Variants in TMEM168 observed in about 807,000 individuals in gnomAD.
The protein encoded by TMEM168 is transmembrane protein 168.
In TMEM168, 40 loss-of-function variants were observed where a neutral mutation model predicts 53.2. The observed-to-expected ratio is 0.75, with a 90% confidence interval of 0.58 to 0.98. TMEM168 has a LOEUF of 0.98. Ranked by LOEUF, TMEM168 falls within the 50% of genes least tolerant of loss-of-function variation. The probability of loss-of-function intolerance (pLI) is 0.00; values close to 1 mark genes in which losing one functional copy is unlikely to be tolerated. For missense variants in TMEM168, 771 were observed against 828.8 expected (o/e 0.93, Z 0.86); for synonymous variants, 282 against 293.0 (o/e 0.96, Z 0.38).
At chr7:112,776,934 GAATA>G (rs777887839) in intron 2 of TMEM168, among the ~76,000 whole-genome samples, 4 of 152,008 alleles carry the variant, frequency 2.6e-5, no homozygotes, top group African/African-American at 7.2e-5. Context: ...ACCAAAACTA[GAATA>G]AATATCAAGT....
intron 4 of TMEM168, among the ~76,000 whole-genome samples, chr7:112,768,859 C>T (rs1301380594): frequency 6.6e-6 from 1 of 151,840 alleles, no homozygotes; most frequent in Admixed American, 6.6e-5. Flanking sequence ...TGAACTATGG[C>T]CTAAAACCTT....
intron 1 of TMEM168, among the ~76,000 whole-genome samples, chr7:112,787,981 C>T (rs1455749906): frequency 2.0e-5 from 3 of 151,978 alleles, no homozygotes; most frequent in Non-Finnish European, 4.4e-5. Context: ...ATCCGTCCGC[C>T]TTGGCCTCCC....
intron 3 of TMEM168, among the ~76,000 whole-genome samples, chr7:112,773,298 G>A (rs1227168): frequency 0.41 from 62,637 of 151,908 alleles, 16,323 homozygotes; most frequent in African/African-American, 0.74. Context: ...CTGGGATAAT[G>A]TCTCCAAATG....
Position 112,764,102 on chromosome 7 carries a change from A to C in TMEM168, c.*3095T>G, listed in dbSNP as rs1040522107. ...GCAACAGTGTGTATGCTATTTGCAC[A>C]TGTACCCTAAAACTTAAAGTATAAT... On this transcript the variant is annotated 3_prime_UTR_variant, in exon 5 of 5. Transcript: ENST00000312814. 2.0e-5 allele frequency: 3 copies of C among 151,304 alleles called. No individual in the cohort carries two copies. Among genetic ancestry groups the C allele is most frequent in the Non-Finnish European group, 4.4e-5 (3 of 67,808 alleles). 9.4% of individuals were successfully genotyped at this position (151,304 alleles called of 1,614,324 possible). A position where few individuals can be genotyped will look rare whatever the true frequency, so the allele number is the denominator to read the frequency against.
chr7:112,770,851 A>G lies in TMEM168; in HGVS notation c.1546+1930T>C, dbSNP rs188723830. Among the ~76,000 whole-genome samples the G allele has an allele frequency of 5.3e-3, 801 of 152,312 alleles. 3 individuals carry two copies. Among genetic ancestry groups the G allele is most frequent in the African/African-American group, 0.018 (740 of 41,568 alleles). On this transcript the variant is annotated intron_variant, in intron 4 of 4. Transcript: ENST00000312814. The stretch of plus-strand genomic sequence containing the variant: ...AAAATTACTCTAACACTTTAAAATA[A>G]CTAGGGATATATGCATGGCCACCAA...
Position 112,772,990 on chromosome 7 carries a change from C to T in TMEM168, c.1337G>A (p.Gly446Asp), listed in dbSNP as rs1214083496. The T allele has an allele frequency of 2.5e-6, 4 of 1,613,770 alleles. No homozygotes were observed. Among genetic ancestry groups the T allele is most frequent in the Non-Finnish European group, 3.4e-6 (4 of 1,179,762 alleles). The change falls in exon 4 of 5, where the codon GGC becomes GAC. Residue 446 changes from glycine to aspartate, a missense_variant. Gly to Asp is a moderately conservative substitution (Grantham distance 94, BLOSUM62 -1). Coordinates refer to ENST00000312814, the MANE Select transcript of TMEM168 (RefSeq NM_022484.6). Reference sequence around the variant, plus strand: ...AAATCTTTGGATAGCATTGAGCATGCCAGTAGACCTCAAATTTAACTCCTG... The same window carrying T: ...AAATCTTTGGATAGCATTGAGCATGTCAGTAGACCTCAAATTTAACTCCTG... ...HVQELNLRST[G>D]MLNAIQRFFA...
In TMEM168 at chr7:112,783,958, G is replaced by A. The variant is rs749988695; in HGVS notation, c.868C>T (p.Leu290Phe). 7 of 1,612,014 alleles carry A rather than the reference G, an allele frequency of 4.3e-6. No homozygotes were observed. Among genetic ancestry groups the A allele is most frequent in the Non-Finnish European group, 5.9e-6 (7 of 1,179,644 alleles). Residue 290 changes from leucine to phenylalanine, a missense_variant, in exon 2 of 5, where the codon CTC becomes TTC. Physicochemically the swap from Leu to Phe is conservative, Grantham distance 22. Transcript: ENST00000312814. ...LSAFKLRDTH[L>F]WYFVIPGFSI... The stretch of plus-strand genomic sequence containing the variant: ...AAGCCAGGTATTACAAAATACCAGA[G>A]GTGAGTGTCTCTAAGTTTGAATGCG...
At chr7:112,781,665 T>C (rs991474101) in intron 2 of TMEM168, among the ~76,000 whole-genome samples, 5 of 151,940 alleles carry the variant, frequency 3.3e-5, no homozygotes, top group African/African-American at 1.2e-4. Context: ...GTTAATCTTT[T>C]CAACAAATGG....
Position 112,767,053 on chromosome 7 carries a change from A to T in TMEM168, c.*144T>A. 1.2e-6 allele frequency: 1 copy of T among 821,774 alleles called. No individual in the cohort carries two copies. Among genetic ancestry groups the T allele is most frequent in the Non-Finnish European group, 1.9e-6 (1 of 539,828 alleles). 50.9% of individuals were successfully genotyped at this position (821,774 alleles called of 1,614,324 possible). Reference sequence around the variant, plus strand: ...TTTCCCAACGCCTTATATATACCATAATTACTTAAGAAAAGACAAAGTGAG... The same window carrying T: ...TTTCCCAACGCCTTATATATACCATTATTACTTAAGAAAAGACAAAGTGAG... On this transcript the variant is annotated 3_prime_UTR_variant, in exon 5 of 5. Transcript: ENST00000312814.
At chr7:112,770,354 G>A (rs1463454660) in intron 4 of TMEM168, among the ~76,000 whole-genome samples, 3 of 152,102 alleles carry the variant, frequency 2.0e-5, no homozygotes, top group Admixed American at 6.6e-5. Context: ...AGATCAGTAT[G>A]CTTTCTCTCT....
Position 112,765,114 on chromosome 7 carries a change from C to T in TMEM168, c.*2083G>A, listed in dbSNP as rs997876199. On this transcript the variant is annotated 3_prime_UTR_variant, in exon 5 of 5. Transcript: ENST00000312814. ...TACAGGCGTGAGCCACTGCACCCGG[C>T]CTAGTTATTGTTTTTAAAATGTTAG... The T allele has an allele frequency of 6.6e-6, 1 of 152,184 alleles. No homozygotes were observed. The highest frequency in any genetic ancestry group is 6.5e-5 in the Admixed American group (1 of 15,274). 9.4% of individuals were successfully genotyped at this position (152,184 alleles called of 1,614,324 possible).
At chr7:112,788,804 T>A (rs552401810) in intron 1 of TMEM168, among the ~76,000 whole-genome samples, 2 of 152,220 alleles carry the variant, frequency 1.3e-5, no homozygotes, top group Non-Finnish European at 2.9e-5. Context: ...AAACATTTTT[T>A]AAATGTTTCT....
Position 112,767,127 on chromosome 7 carries a change from T to C in TMEM168, c.*70A>G, listed in dbSNP as rs549787216. On this transcript the variant is annotated 3_prime_UTR_variant, in exon 5 of 5. Transcript: ENST00000312814. ...ATTTTCCACAAATAAAAATACAGCA[T>C]ACAAAAAATGGCAAGTTAGTGATAA... is the stretch of plus-strand genomic sequence containing the variant. 31 of 1,450,896 alleles carry C rather than the reference T, an allele frequency of 2.1e-5. 1 individual carries two copies. The South Asian group carries it at 4.0e-4, about 19-fold the overall frequency. 89.9% of individuals were successfully genotyped at this position (1,450,896 alleles called of 1,614,324 possible). A position where few individuals can be genotyped will look rare whatever the true frequency, so the allele number is the denominator to read the frequency against.
At chr7:112,771,803 A>G (rs1311650162) in intron 4 of TMEM168, among the ~76,000 whole-genome samples, 1 of 152,056 alleles carries the variant, frequency 6.6e-6, no homozygotes, top group Non-Finnish European at 1.5e-5. Context: ...CACTTTATTT[A>G]TGACTATTTT....
At position 112,784,222 on chromosome 7, in the gene TMEM168, T is replaced by C. The variant is rs1793311728; in HGVS notation, c.604A>G (p.Ile202Val). 2.5e-6 allele frequency: 4 copies of C among 1,613,608 alleles called. No individual in the cohort carries two copies. Among genetic ancestry groups the C allele is most frequent in the Non-Finnish European group, 3.4e-6 (4 of 1,179,912 alleles). ...IDLRMKSFLA[I>V]PNLVIFAVLL... The stretch of plus-strand genomic sequence containing the variant: ...ACTGCAAAAATAACTAAGTTTGGAA[T>C]AGCTAAGAAAGATTTCATTCTCAGA... The change falls in exon 2 of 5, where the codon ATT becomes GTT. Residue 202 changes from isoleucine (I) to valine (V), a missense_variant. By Grantham distance (29) the Ile-to-Val change is conservative. Coordinates refer to ENST00000312814, the MANE Select transcript of TMEM168 (RefSeq NM_022484.6).
intron 1 of TMEM168, among the ~76,000 whole-genome samples, chr7:112,786,359 C>T (rs2116310180): frequency 6.6e-6 from 1 of 152,304 alleles, no homozygotes; most frequent in East Asian, 1.9e-4. Flanking sequence ...ACCTTAGGGT[C>T]TCTGGGAAGT....
At chr7:112,773,552 TAGA>T (rs923412665) in intron 3 of TMEM168, among the ~76,000 whole-genome samples, 5 of 152,106 alleles carry the variant, frequency 3.3e-5, no homozygotes, top group African/African-American at 1.2e-4. Flanking sequence ...ACATAAATAA[TAGA>T]AGAAATTATC....
chr7:112,781,602 T>G (rs1793233529), intron 2 of TMEM168, among the ~76,000 whole-genome samples: 1 of 152,118 alleles, frequency 6.6e-6, no homozygotes, highest in Non-Finnish European at 1.5e-5. Context: ...AACCTTACGT[T>G]TATGTTTAAC....
intron 2 of TMEM168, among the ~76,000 whole-genome samples, chr7:112,777,485 C>T (rs1466817193): frequency 6.6e-6 from 1 of 151,624 alleles, no homozygotes; most frequent in Non-Finnish European, 1.5e-5. Flanking sequence ...GCCTTCATTT[C>T]TTCCCTCTAT....
Sources: gnomAD v4.1 joint callset for allele counts (sites outside exome capture counted in the v4.1 genomes callset) on GRCh38, gnomAD v4.1.1 for gene constraint, MANE v1.5 for transcripts, NCBI Gene and HGNC (gene_info 2026-07-23, HGNC 2026-07-21) for gene names.